The following NELL1 variants were observed in gnomAD, a reference collection of about 807,000 sequenced individuals.
The protein encoded by NELL1 is neural EGFL like 1, also known as protein kinase C-binding protein NELL1.
Under a neutral mutation model 107.4 loss-of-function variants are expected in NELL1, and 76 were observed. The ratio of observed to expected loss-of-function variants is 0.71; its 90% confidence interval spans 0.59 to 0.86. The LOEUF is 0.86. Among genes scored for constraint, NELL1 ranks in the 40% least tolerant of loss-of-function variants. The pLI is 0.00. For synonymous variants in NELL1, 353 were observed against 341.2 expected, an observed-to-expected ratio of 1.03 and a Z score of -0.38; for missense variants, 1,024 against 1,005.5, an observed-to-expected ratio of 1.02 and a Z score of -0.25.
chr11:20,827,799 A>C (rs1421649007), intron 3 of NELL1, among the ~76,000 whole-genome samples: 1 of 151,220 alleles, frequency 6.6e-6, no homozygotes, highest in Non-Finnish European at 1.5e-5. Context: ...CCCTAAGTTA[A>C]TGTGTACTAT....
chr11:20,913,673 GA>G (rs1309835676), intron 5 of NELL1, among the ~76,000 whole-genome samples: 1 of 151,352 alleles, frequency 6.6e-6, no homozygotes, highest in Admixed American at 6.6e-5. Flanking sequence ...TAAACAAAAG[GA>G]AAAAAAATCC....
rs1244251125 is a variant in NELL1 at position 20,708,726 on chromosome 11, T to G, written c.184+30666T>G. On this transcript the variant is annotated intron_variant, in intron 2 of 19. Transcript: ENST00000357134. ...TTTGCTGTGCAGAAGTTTTTTAGTT[T>G]AATTAGGTCCCATCCATTTATTTTT... Among the ~76,000 whole-genome samples the G allele has an allele frequency of 5.3e-5, 8 of 152,282 alleles. No homozygotes were observed. In the South Asian group the frequency reaches 1.0e-3, roughly 20 times the overall value.
chr11:20,994,105 G>T (rs1005108302), intron 12 of NELL1, among the ~76,000 whole-genome samples: 3 of 152,118 alleles, frequency 2.0e-5, no homozygotes, highest in South Asian at 2.1e-4. Context: ...TTTTACTTTT[G>T]TGCATTTCTA....
At chr11:20,780,519 A>G (rs1456017821) in intron 2 of NELL1, among the ~76,000 whole-genome samples, 1 of 152,220 alleles carries the variant, frequency 6.6e-6, no homozygotes, top group African/African-American at 2.4e-5. Context: ...CAATGGATAA[A>G]TAAGTATGCC....
intron 9 of NELL1, among the ~76,000 whole-genome samples, chr11:20,932,448 A>C (rs1035755327): frequency 4.6e-5 from 7 of 152,202 alleles, no homozygotes; most frequent in Admixed American, 4.6e-4. Context: ...AGAGCTGCAA[A>C]CGTGAGTTGC....
intron 12 of NELL1, among the ~76,000 whole-genome samples, chr11:20,969,556 C>T (rs1356560069): frequency 6.6e-6 from 1 of 151,488 alleles, no homozygotes; most frequent in Admixed American, 6.6e-5. Flanking sequence ...ATTGTCTCTG[C>T]CTGGGAGTTG....
At chr11:21,494,096 A>G (rs992028338) in intron 15 of NELL1, among the ~76,000 whole-genome samples, 1 of 151,998 alleles carries the variant, frequency 6.6e-6, no homozygotes, top group Non-Finnish European at 1.5e-5. Flanking sequence ...CCATTTACAT[A>G]TAGTATTAAC....
At chr11:21,554,542 T>C (rs1247985303) in intron 16 of NELL1, among the ~76,000 whole-genome samples, 1 of 151,790 alleles carries the variant, frequency 6.6e-6, no homozygotes, top group Admixed American at 6.6e-5. Flanking sequence ...TATTTGAGTA[T>C]CTGTCCTGAA....
chr11:20,832,685 G>A (rs2134038712), intron 3 of NELL1, among the ~76,000 whole-genome samples: 1 of 152,258 alleles, frequency 6.6e-6, no homozygotes, highest in South Asian at 2.1e-4. Flanking sequence ...TATCAAGGAG[G>A]CAATTCAGGA....
At chr11:21,549,454 T>A (rs77690719) in intron 16 of NELL1, among the ~76,000 whole-genome samples, 25,277 of 151,858 alleles carry the variant, frequency 0.17, 2,372 homozygotes, top group African/African-American at 0.24. Flanking sequence ...AGATACATGA[T>A]TCTGTTGTTT....
chr11:21,500,154 G>T (rs975532775), intron 15 of NELL1, among the ~76,000 whole-genome samples: 1 of 152,072 alleles, frequency 6.6e-6, no homozygotes, highest in Non-Finnish European at 1.5e-5. Flanking sequence ...ATGTCAGCAT[G>T]ACAGAAAAAT....
chr11:20,846,144 A>G (rs942836899), intron 3 of NELL1, among the ~76,000 whole-genome samples: 3 of 152,212 alleles, frequency 2.0e-5, no homozygotes, highest in African/African-American at 7.2e-5. Context: ...CTGCTATGGT[A>G]TAAATAACCT....
intron 4 of NELL1, among the ~76,000 whole-genome samples, chr11:20,859,704 T>C (rs976734782): frequency 1.3e-5 from 2 of 152,220 alleles, no homozygotes; most frequent in African/African-American, 4.8e-5. Context: ...GGTTGGGCAG[T>C]AGGAGACCCC....
chr11:21,514,253 T>A (rs1590995414), intron 15 of NELL1, among the ~76,000 whole-genome samples: 1 of 152,222 alleles, frequency 6.6e-6, no homozygotes, highest in Non-Finnish European at 1.5e-5. Flanking sequence ...TTAAATTGAT[T>A]TAAAATATTT....
At chr11:21,436,021 T>A (rs1853109234) in intron 15 of NELL1, among the ~76,000 whole-genome samples, 1 of 152,100 alleles carries the variant, frequency 6.6e-6, no homozygotes. Context: ...TCATTATGTG[T>A]TATTGGTAAG....
At chr11:21,406,369 C>A (rs550517341) in intron 15 of NELL1, among the ~76,000 whole-genome samples, 1 of 151,558 alleles carries the variant, frequency 6.6e-6, no homozygotes, top group Non-Finnish European at 1.5e-5. Context: ...AAATTATCCC[C>A]AATTGAGGGA....
chr11:21,258,360 G>A (rs535913055), intron 14 of NELL1, among the ~76,000 whole-genome samples: 1 of 152,030 alleles, frequency 6.6e-6, no homozygotes, highest in Admixed American at 6.6e-5. Flanking sequence ...TGTTGTCTTG[G>A]TAAAGTATTA....
intron 13 of NELL1, among the ~76,000 whole-genome samples, chr11:21,227,249 G>A (rs1297867477): frequency 6.6e-6 from 1 of 151,994 alleles, no homozygotes; most frequent in Non-Finnish European, 1.5e-5. Flanking sequence ...CTCTTATCTA[G>A]CATGACCACA....
intron 3 of NELL1, among the ~76,000 whole-genome samples, chr11:20,785,838 T>C (rs927667052): frequency 2.0e-5 from 3 of 152,152 alleles, no homozygotes; most frequent in African/African-American, 7.2e-5. Flanking sequence ...TTATTCTCCT[T>C]GTCTAAGTGT....
Sources: gnomAD v4.1 joint callset for allele counts (sites outside exome capture counted in the v4.1 genomes callset) on GRCh38, gnomAD v4.1.1 for gene constraint, MANE v1.5 for transcripts, NCBI Gene and HGNC (gene_info 2026-07-23, HGNC 2026-07-21) for gene names.